The following ZNF678 variants were observed in gnomAD, a reference collection of about 807,000 sequenced individuals.
ZNF678 encodes zinc finger protein 678.
A neutral mutation model predicts 3.0 loss-of-function variants in ZNF678; 5 were observed. That is an observed-to-expected ratio of 1.69 (90% CI 0.88 to 3.56). The LOEUF is 3.56. Among genes scored for constraint, ZNF678 ranks in the 30% most tolerant of loss-of-function variants. ZNF678 has a pLI of 0.00. For missense variants in ZNF678, 593 were observed against 605.0 expected (o/e 0.98, Z 0.21); for synonymous variants, 218 against 199.6 (o/e 1.09, Z -0.78).
At chr1:227,646,920 G>T (rs1467002646) in intron 2 of ZNF678, among the ~76,000 whole-genome samples, 1 of 152,180 alleles carries the variant, frequency 6.6e-6, no homozygotes, top group Non-Finnish European at 1.5e-5. Context: ...AGTGGCATAA[G>T]ATATTGTTGC....
chr1:227,613,722 C>G (rs1658078583), intron 1 of ZNF678, among the ~76,000 whole-genome samples: 1 of 152,198 alleles, frequency 6.6e-6, no homozygotes, highest in African/African-American at 2.4e-5. Context: ...CTTTGATAGC[C>G]TGTGCAAACC....
rs1009799950 is a variant in ZNF678 at position 227,657,368 on chromosome 1, C to T, written c.*1540C>T. ...GAACTGAGGCTAATAAACCTCTTTT[C>T]TGTATTAATTTGCCAGTGTTAAGTA... On this transcript the variant is annotated 3_prime_UTR_variant, in exon 4 of 4. Transcript: ENST00000343776. 1.3e-5 allele frequency: 2 copies of T among 151,936 alleles called. No individual in the cohort carries two copies. Among genetic ancestry groups the T allele is most frequent in the African/African-American group, 4.8e-5 (2 of 41,404 alleles). The allele number at this position is 151,936 out of a possible 1,614,324, so 9.4% of individuals were successfully genotyped here.
chr1:227,670,778 C>G (rs1659587292), intron 5 of ZNF678, among the ~76,000 whole-genome samples: 1 of 152,202 alleles, frequency 6.6e-6, no homozygotes, highest in African/African-American at 2.4e-5. Flanking sequence ...TTCAGGTTCC[C>G]TGTAGTCAGG....
At position 227,593,008 on chromosome 1, in the gene ZNF678, C is replaced by T. The variant is rs61824915; in HGVS notation, c.-164+29284C>T. ...AAGGAATGGTAAGTTTTCTCCTTGTCGTGAGAGACACAAAGTGAACTTAGT... is the reference window on the plus strand; with the variant it reads ...AAGGAATGGTAAGTTTTCTCCTTGTTGTGAGAGACACAAAGTGAACTTAGT... On this transcript the variant is annotated intron_variant, in intron 1 of 3. Transcript: ENST00000343776. Among the ~76,000 whole-genome samples, 102 of 152,358 alleles carry T rather than the reference C, an allele frequency of 6.7e-4. 1 individual carries two copies. Among genetic ancestry groups the T allele is most frequent in the Admixed American group, 2.7e-3 (41 of 15,304 alleles).
chr1:227,596,174 C>T (rs1204144616), intron 1 of ZNF678, among the ~76,000 whole-genome samples: 1 of 152,176 alleles, frequency 6.6e-6, no homozygotes, highest in African/African-American at 2.4e-5. Flanking sequence ...GTTGGAGTCC[C>T]CCGCAGGGAT....
chr1:227,583,516 C>G (rs1657187136), intron 1 of ZNF678, among the ~76,000 whole-genome samples: 1 of 151,802 alleles, frequency 6.6e-6, no homozygotes, highest in African/African-American at 2.4e-5. Context: ...TTTGATTTAA[C>G]TTTGTCAGGA....
In ZNF678 at chr1:227,597,611, A is replaced by T. The variant is rs1657627434; in HGVS notation, c.-164+33887A>T. On this transcript the variant is annotated intron_variant, in intron 1 of 3. Transcript: ENST00000343776. ...TGCTAAAAAATATTCATTATTATTG[A>T]AGTGGAGGTAAATCCCAGAGCTTTT... Among the ~76,000 whole-genome samples the T allele has an allele frequency of 5.9e-5, 9 of 152,222 alleles. No individual in the cohort carries two copies. In the South Asian group the frequency reaches 1.9e-3, roughly 31 times the overall value.
intron 1 of ZNF678, among the ~76,000 whole-genome samples, chr1:227,604,614 C>T (rs1000487553): frequency 2.6e-5 from 4 of 152,120 alleles, no homozygotes; most frequent in Non-Finnish European, 5.9e-5. Flanking sequence ...ATCTCAAACT[C>T]CCGGGCTCAA....
At chr1:227,595,387 G>T (rs982873953) in intron 1 of ZNF678, among the ~76,000 whole-genome samples, 1 of 151,958 alleles carries the variant, frequency 6.6e-6, no homozygotes, top group South Asian at 2.1e-4. Flanking sequence ...GGGTGCCCTG[G>T]CTTTACAGGT....
chr1:227,612,768 A>G (rs1458763533), intron 1 of ZNF678, among the ~76,000 whole-genome samples: 1 of 152,162 alleles, frequency 6.6e-6, no homozygotes, highest in Non-Finnish European at 1.5e-5. Flanking sequence ...ATAATTACCC[A>G]CATGTCAACC....
At chr1:227,600,961 A>G (rs562869693) in intron 1 of ZNF678, among the ~76,000 whole-genome samples, 157 of 152,320 alleles carry the variant, frequency 1.0e-3, no homozygotes, top group Non-Finnish European at 1.6e-3. Flanking sequence ...GGTTTAAAGA[A>G]GGGGTCCCGT....
At chr1:227,584,786 A>G (rs1377681369) in intron 1 of ZNF678, among the ~76,000 whole-genome samples, 1 of 152,246 alleles carries the variant, frequency 6.6e-6, no homozygotes, top group Non-Finnish European at 1.5e-5. Context: ...TTCTGGTTAA[A>G]GTGACCAAAC....
chr1:227,583,476 C>T (rs1005484593), intron 1 of ZNF678, among the ~76,000 whole-genome samples: 3 of 151,642 alleles, frequency 2.0e-5, no homozygotes, highest in African/African-American at 7.3e-5. Flanking sequence ...CTTGGCCTCC[C>T]AAGTAGCTGG....
intron 1 of ZNF678, among the ~76,000 whole-genome samples, chr1:227,572,451 C>T (rs1463101476): frequency 6.6e-6 from 1 of 152,194 alleles, no homozygotes; most frequent in Non-Finnish European, 1.5e-5. Flanking sequence ...TCCAAAACTG[C>T]GGATGCTTCC....
At chr1:227,627,587 T>G (rs1571897598) in intron 1 of ZNF678, among the ~76,000 whole-genome samples, 1 of 152,180 alleles carries the variant, frequency 6.6e-6, no homozygotes, top group Non-Finnish European at 1.5e-5. Context: ...GTTTGATAGG[T>G]GTTCCCTCAG....
intron 3 of ZNF678, among the ~76,000 whole-genome samples, chr1:227,651,708 A>G (rs867248044): frequency 7.2e-5 from 11 of 152,262 alleles, no homozygotes; most frequent in South Asian, 2.1e-4. Context: ...TTAGCAGGGT[A>G]TTACAACCCC....
chr1:227,606,047 T>C (rs1571881421), intron 1 of ZNF678, among the ~76,000 whole-genome samples: 1 of 152,300 alleles, frequency 6.6e-6, no homozygotes, highest in South Asian at 2.1e-4. Context: ...CACCGGTGGG[T>C]ATTTCTCATC....
chr1:227,671,900 AT>A (rs1659606621), intron 5 of ZNF678, among the ~76,000 whole-genome samples: 1 of 152,204 alleles, frequency 6.6e-6, no homozygotes, highest in Non-Finnish European at 1.5e-5. Context: ...ATGTAAAAAA[AT>A]AGGACATGTG....
intron 5 of ZNF678, among the ~76,000 whole-genome samples, chr1:227,675,448 G>A (rs1356853136): frequency 1.3e-5 from 2 of 152,122 alleles, no homozygotes; most frequent in Non-Finnish European, 1.5e-5. Flanking sequence ...CTAATTATTT[G>A]AACTTTATTA....
Sources: allele counts gnomAD v4.1 joint callset (sites outside exome capture counted in the v4.1 genomes callset), GRCh38; gene constraint gnomAD v4.1.1; transcripts MANE v1.5; gene names NCBI Gene and HGNC (gene_info 2026-07-23, HGNC 2026-07-21).